Variants in ZNF354B observed in about 807,000 individuals in gnomAD.
The protein encoded by ZNF354B is zinc finger protein 354B.
Under a neutral mutation model 12.9 loss-of-function variants are expected in ZNF354B, and 10 were observed. That is an observed-to-expected ratio of 0.77 (90% CI 0.48 to 1.31). The LOEUF (loss-of-function observed/expected upper bound fraction) is 1.31. ZNF354B is among the 40% of genes most tolerant of loss of function. The pLI, the probability that ZNF354B is intolerant of heterozygous loss-of-function variation, is 0.00. For synonymous variants in ZNF354B, 260 were observed against 243.7 expected (o/e 1.07, Z -0.62); for missense variants, 614 against 711.7 (o/e 0.86, Z 1.56).
At chr5:178,863,332 A>G (rs56932649) in intron 2 of ZNF354B, among the ~76,000 whole-genome samples, 22,543 of 152,104 alleles carry the variant, frequency 0.15, 2,043 homozygotes, top group African/African-American at 0.25. Context: ...ATAGTTGTGC[A>G]TTGCATAATG....
chr5:178,865,706 A>G (rs1470760681), intron 2 of ZNF354B, among the ~76,000 whole-genome samples: 1 of 152,226 alleles, frequency 6.6e-6, no homozygotes, highest in African/African-American at 2.4e-5. Flanking sequence ...CTCTAAATAT[A>G]GTGTCTGGCC....
At position 178,869,388 on chromosome 5, in the gene ZNF354B, T is replaced by G. The variant is rs1757521455; in HGVS notation, c.256+2317T>G. Among the ~76,000 whole-genome samples the G allele has an allele frequency of 2.0e-5, 3 of 152,314 alleles. No individual in the cohort carries two copies. The South Asian group carries it at 6.2e-4, about 32-fold the overall frequency. On this transcript the variant is annotated intron_variant, in intron 4 of 4. Coordinates refer to ENST00000322434, the MANE Select transcript of ZNF354B (RefSeq NM_058230.3). ...TTAATCTCCTTTGGTAGAAATACACTAATTTTATATTAAATTAAAATTTAA... is the reference window on the plus strand; with the variant it reads ...TTAATCTCCTTTGGTAGAAATACACGAATTTTATATTAAATTAAAATTTAA...
In ZNF354B at chr5:178,871,307, C is replaced by T. The variant is rs374407334; in HGVS notation, c.256+4236C>T. Among the ~76,000 whole-genome samples, 17 of 152,310 alleles carry T rather than the reference C, an allele frequency of 1.1e-4. No homozygotes were observed. The East Asian group carries it at 2.9e-3, about 26-fold the overall frequency. Reference sequence around the variant, plus strand: ...GTCAGGGGGGCCAAGCAGGCCCCCACTCAGGGCCTCTGCCCTGCTTTTTTC... The same window carrying T: ...GTCAGGGGGGCCAAGCAGGCCCCCATTCAGGGCCTCTGCCCTGCTTTTTTC... On this transcript the variant is annotated intron_variant, in intron 4 of 4. Coordinates refer to ENST00000322434, the MANE Select transcript of ZNF354B (RefSeq NM_058230.3).
chr5:178,862,286 T>A (rs1188950025), intron 2 of ZNF354B, among the ~76,000 whole-genome samples: 1 of 151,736 alleles, frequency 6.6e-6, no homozygotes, highest in African/African-American at 2.4e-5. Flanking sequence ...CACCCAGTCG[T>A]CCCTGTGGTG....
chr5:178,884,536 C>G lies in ZNF354B; in HGVS notation c.*245C>G, dbSNP rs947922169. The G allele has an allele frequency of 8.2e-6, 3 of 367,928 alleles. No individual in the cohort carries two copies. Among genetic ancestry groups the G allele is most frequent in the African/African-American group, 4.2e-5 (2 of 47,902 alleles). 22.8% of individuals were successfully genotyped at this position (367,928 alleles called of 1,614,324 possible). A position where few individuals can be genotyped will look rare whatever the true frequency, so the allele number is the denominator to read the frequency against. Reference sequence around the variant, plus strand: ...GATAAAAGGTATGTTTATAAAATCTCTTTATATAATATATGCTATCTATGA... The same window carrying G: ...GATAAAAGGTATGTTTATAAAATCTGTTTATATAATATATGCTATCTATGA... On this transcript the variant is annotated 3_prime_UTR_variant, in exon 5 of 5. Transcript: ENST00000322434.
chr5:178,870,756 TG>T (rs1757550233), intron 4 of ZNF354B, among the ~76,000 whole-genome samples: 1 of 152,190 alleles, frequency 6.6e-6, no homozygotes, highest in Non-Finnish European at 1.5e-5. Context: ...TGACATGGCC[TG>T]GAATGTTTTA....
chr5:178,883,755 G>T lies in ZNF354B; in HGVS notation c.1303G>T (p.Glu435Ter). 1 of 1,614,120 alleles carries T rather than the reference G, an allele frequency of 6.2e-7. No homozygotes were observed. The highest frequency in any genetic ancestry group is 8.5e-7 in the Non-Finnish European group (1 of 1,179,994). ...LNRHRIIHTGEKLYNCNECGK... is the reference protein window; with the variant it reads ...LNRHRIIHTG ...TAGACACCGAATAATTCATACTGGA[G>T]AGAAATTGTATAATTGTAATGAATG... Residue 435 changes from glutamate (E) to a stop codon, truncating the protein, a stop_gained, in exon 5 of 5, where the codon GAG becomes TAG. Coordinates refer to ENST00000322434, the MANE Select transcript of ZNF354B (RefSeq NM_058230.3). LOFTEE classifies it high-confidence loss of function.
At chr5:178,874,048 C>G (rs1424017702) in intron 4 of ZNF354B, among the ~76,000 whole-genome samples, 1 of 151,838 alleles carries the variant, frequency 6.6e-6, no homozygotes, top group Non-Finnish European at 1.5e-5. Context: ...CCTCCACTTC[C>G]TGGGCTCAAG....
chr5:178,863,718 G>T (rs142809973), intron 2 of ZNF354B, among the ~76,000 whole-genome samples: 1 of 152,186 alleles, frequency 6.6e-6, no homozygotes, highest in Non-Finnish European at 1.5e-5. Flanking sequence ...GTTCTCATAG[G>T]AGATGACAGC....
At chr5:178,872,141 C>G (rs777500439) in intron 4 of ZNF354B, among the ~76,000 whole-genome samples, 1 of 152,172 alleles carries the variant, frequency 6.6e-6, no homozygotes, top group Non-Finnish European at 1.5e-5. Context: ...TGCCCCTGTT[C>G]CCTGCCTCTT....
At chr5:178,867,180 A>G in intron 4 of ZNF354B, 109 bp downstream of exon 4, 1 of 1,083,288 alleles carries the variant, frequency 9.2e-7, no homozygotes, top group South Asian at 1.3e-5. Context: ...CTCAGGCCTC[A>G]AGAAGTGGTG....
At chr5:178,880,831 ATTTTTTTTTT>A (rs56013359) in intron 4 of ZNF354B, among the ~76,000 whole-genome samples, 2 of 76,142 alleles carry the variant, frequency 2.6e-5, no homozygotes, top group East Asian at 5.1e-4. Flanking sequence ...ACTCATGGTC[ATTTTTTTTTT>A]TTTTTTTTTT....
chr5:178,874,892 G>C (rs959145522), intron 4 of ZNF354B, among the ~76,000 whole-genome samples: 1 of 152,216 alleles, frequency 6.6e-6, no homozygotes, highest in Admixed American at 6.5e-5. Context: ...TTTGAGTATA[G>C]TCAGTTGACT....
chr5:178,879,273 C>T (rs919556599), intron 4 of ZNF354B, among the ~76,000 whole-genome samples: 2 of 152,084 alleles, frequency 1.3e-5, no homozygotes, highest in Non-Finnish European at 2.9e-5. Context: ...TCTCAAACTC[C>T]TGACCTTAAG....
At position 178,880,831 on chromosome 5, in the gene ZNF354B, A is replaced by ATT. The variant is rs56013359; in HGVS notation, c.257-1851_257-1850dup. On this transcript the variant is annotated intron_variant, in intron 4 of 4. Coordinates refer to ENST00000322434, the MANE Select transcript of ZNF354B (RefSeq NM_058230.3). Reference sequence around the variant, plus strand: ...TTTCAGTAGTTGTCAACTCATGGTCATTTTTTTTTTTTTTTTTTTTTTTTT... The same window carrying ATT: ...TTTCAGTAGTTGTCAACTCATGGTCATTTTTTTTTTTTTTTTTTTTTTTTTTT... Among the ~76,000 whole-genome samples, 135 of 76,176 alleles carry ATT rather than the reference A, an allele frequency of 1.8e-3. 20 individuals carry two copies. The East Asian group carries it at 0.033, about 19-fold the overall frequency. 50.0% of individuals were successfully genotyped at this position (76,176 alleles called of 152,430 possible). A position where few individuals can be genotyped will look rare whatever the true frequency, so the allele number is the denominator to read the frequency against.
At chr5:178,882,489 A>T (rs1261513607) in intron 4 of ZNF354B, among the ~76,000 whole-genome samples, 1 of 151,980 alleles carries the variant, frequency 6.6e-6, no homozygotes, top group African/African-American at 2.4e-5. Context: ...TCTCTTGGTC[A>T]CTCTTACACA....
intron 4 of ZNF354B, among the ~76,000 whole-genome samples, chr5:178,881,681 G>A (rs1164671046): frequency 1.3e-5 from 2 of 151,772 alleles, no homozygotes; most frequent in East Asian, 3.9e-4. Context: ...TTTTTGAGAT[G>A]GAGTCTCGCT....
chr5:178,879,157 T>G lies in ZNF354B; in HGVS notation c.257-3552T>G, dbSNP rs555772182. Among the ~76,000 whole-genome samples, 14 of 150,716 alleles carry G rather than the reference T, an allele frequency of 9.3e-5. No individual in the cohort carries two copies. The South Asian group carries it at 2.5e-3, about 27-fold the overall frequency. ...TCTGCCTCCCAGCTTCAAGCGATTC[T>G]CCTGCATCAGCCTCCCGAGTAGCTG... is the stretch of plus-strand genomic sequence containing the variant. On this transcript the variant is annotated intron_variant, in intron 4 of 4. Coordinates refer to ENST00000322434, the MANE Select transcript of ZNF354B (RefSeq NM_058230.3).
chr5:178,870,717 G>A (rs78787349), intron 4 of ZNF354B, among the ~76,000 whole-genome samples: 22,598 of 152,220 alleles, frequency 0.15, 2,060 homozygotes, highest in African/African-American at 0.25. Flanking sequence ...ATTTGCACAG[G>A]ATGCTGTGGG....
Sources: allele counts gnomAD v4.1 joint callset (sites outside exome capture counted in the v4.1 genomes callset), GRCh38; gene constraint gnomAD v4.1.1; transcripts MANE v1.5; gene names NCBI Gene and HGNC (gene_info 2026-07-23, HGNC 2026-07-21).